Variants in TLR2 observed in about 807,000 individuals in gnomAD.
The protein encoded by TLR2 is toll-like receptor 2.
TLR2 carries 7 observed loss-of-function variants against 9.1 expected under a neutral mutation model. The observed-to-expected ratio is 0.77, with a 90% CI of 0.44 to 1.44. The LOEUF is 1.44. Ranked by LOEUF, TLR2 falls within the 40% of genes most tolerant of loss-of-function variation. The pLI is 0.01. For missense variants in TLR2, 812 were observed against 904.6 expected, an observed-to-expected ratio of 0.90 and a Z score of 1.31; for synonymous variants, 317 against 344.6, an observed-to-expected ratio of 0.92 and a Z score of 0.89.
rs1737034359 is a variant in TLR2, at chr4:153,703,104, A to G, written c.197A>G (p.Tyr66Cys). The G allele has an allele frequency of 5.0e-6, 8 of 1,614,154 alleles. No individual in the cohort carries two copies. The highest frequency in any genetic ancestry group is 6.8e-6 in the Non-Finnish European group (8 of 1,180,018). ...SLDLSNNRIT[Y>C]ISNSDLQRCV... Reference sequence around the variant, plus strand: ...GACCTGTCCAACAACAGGATCACCTACATTAGCAACAGTGACCTACAGAGG... The same window carrying G: ...GACCTGTCCAACAACAGGATCACCTGCATTAGCAACAGTGACCTACAGAGG... Residue 66 changes from tyrosine (Y) to cysteine (C), a missense_variant, in exon 3 of 3, where the codon TAC becomes TGC. By Grantham distance (194) the Tyr-to-Cys change is radical. Transcript: ENST00000642700.
downstream of TLR2, among the ~76,000 whole-genome samples, chr4:153,707,574 A>T (rs1269156562): frequency 2.6e-5 from 4 of 152,022 alleles, no homozygotes; most frequent in Non-Finnish European, 5.9e-5. Flanking sequence ...AAACAAAACA[A>T]ACGAAAAACA....
At chr4:153,710,550 G>A (rs940329348), downstream of TLR2, 2 of 1,499,800 alleles carry the variant, frequency 1.3e-6, no homozygotes, top group Non-Finnish European at 1.8e-6. Context: ...ATTCATAAAT[G>A]TCATTTGCAA....
In TLR2 at chr4:153,704,620, T is replaced by C. The variant is rs1351517805; in HGVS notation, c.1713T>C (p.Arg571=). 6.2e-7 allele frequency: 1 copy of C among 1,613,626 alleles called. No homozygotes were observed. The highest frequency in any genetic ancestry group is 1.1e-5 in the South Asian group (1 of 91,036). The change falls in exon 3 of 3, where the codon CGT becomes CGC. Residue 571 remains arginine, a synonymous_variant. Transcript: ENST00000642700. The part of the protein sequence containing the change: ...NYLCDSPSHV[R]GQQVQDVRLS... ...TGTGTGACTCTCCATCCCATGTGCG[T>C]GGCCAGCAGGTTCAGGATGTCCGCC...
chr4:153,703,606 T>TCCC lies in TLR2; in HGVS notation c.699_700insCCC (p.Asp233_Leu234insPro). The TCCC allele has an allele frequency of 6.2e-7, 1 of 1,614,048 alleles. No individual in the cohort carries two copies. The highest frequency in any genetic ancestry group is 1.1e-5 in the South Asian group (1 of 91,052). ...AATGTTTGGAACTGCGAGATACTGA[T>TCCC]TTGGACACTTTCCATTTTTCAGAAC... On this transcript the variant is annotated inframe_insertion, in exon 3 of 3. Transcript: ENST00000642700.
At chr4:153,700,426 G>T (rs1736805872) in intron 2 of TLR2, among the ~76,000 whole-genome samples, 1 of 152,158 alleles carries the variant, frequency 6.6e-6, no homozygotes, top group South Asian at 2.1e-4. Context: ...ATAAGTTAAA[G>T]AAGACCTAAA....
At position 153,704,908 on chromosome 4, in the gene TLR2, TC is replaced by T; in HGVS notation, c.2007del (p.Phe670SerfsTer39). ...TGGTCCAGGAGCTGGAGAACTTCAATCCCCCCTTCAAGTTGTGTCTTCATAA... is the reference window on the plus strand; with the variant it reads ...TGGTCCAGGAGCTGGAGAACTTCAATCCCCCTTCAAGTTGTGTCTTCATAA... ...LMVQELENFN[P>X]PFKLCLHKRD... On this transcript the variant is annotated frameshift_variant, in exon 3 of 3. Transcript: ENST00000642700. LOFTEE classifies it high-confidence loss of function. The T allele has an allele frequency of 6.2e-7, 1 of 1,613,204 alleles. No homozygotes were observed. Among genetic ancestry groups the T allele is most frequent in the Non-Finnish European group, 8.5e-7 (1 of 1,179,978 alleles).
chr4:153,704,842 T>C lies in TLR2; in HGVS notation c.1935T>C (p.Val645=). The C allele has an allele frequency of 6.2e-7, 1 of 1,614,028 alleles. No individual in the cohort carries two copies. Among genetic ancestry groups the C allele is most frequent in the Non-Finnish European group, 8.5e-7 (1 of 1,180,004 alleles). Residue 645 remains valine, a synonymous_variant, in exon 3 of 3, where the codon GTT becomes GTC. Coordinates refer to ENST00000642700, the MANE Select transcript of TLR2 (RefSeq NM_001318789.2). ...PSRNICYDAF[V]SYSERDAYWV... is the part of the protein sequence containing the mutation. ...GGAACATCTGCTATGATGCATTTGT[T>C]TCTTACAGTGAGCGGGATGCCTACT...
chr4:153,710,317 G>T (rs1270941479), downstream of TLR2: 5 of 1,410,112 alleles, frequency 3.5e-6, no homozygotes, highest in Non-Finnish European at 4.7e-6. Flanking sequence ...AATATTAAAT[G>T]TTGGACCAAG....
intron 2 of TLR2, among the ~76,000 whole-genome samples, chr4:153,700,079 T>TGAGAGGGAGGGAGCAAGAGTG (rs1736778778): frequency 1.3e-5 from 2 of 150,966 alleles, no homozygotes; most frequent in African/African-American, 4.9e-5. Flanking sequence ...AGAGAGGGAG[T>TGAGAGGGAGGGAGCAAGAGTG]GAGAGGGAGG....
At chr4:153,698,682 A>C (rs1736675470) in intron 2 of TLR2, among the ~76,000 whole-genome samples, 2 of 152,212 alleles carry the variant, frequency 1.3e-5, no homozygotes, top group Non-Finnish European at 2.9e-5. Flanking sequence ...TAAAAACCTC[A>C]GTTGGTACAT....
At chr4:153,697,847 T>A (rs1418876892) in intron 2 of TLR2, among the ~76,000 whole-genome samples, 1 of 152,162 alleles carries the variant, frequency 6.6e-6, no homozygotes, top group African/African-American at 2.4e-5. Context: ...ATGAAATTCT[T>A]AGAAACCAGA....
At chr4:153,707,561 A>G (rs1330636604), downstream of TLR2, among the ~76,000 whole-genome samples, 2 of 152,096 alleles carry the variant, frequency 1.3e-5, no homozygotes, top group South Asian at 2.1e-4. Context: ...AAAAAACAAA[A>G]TGAAACAAAA....
chr4:153,685,974 T>A (rs4696480), intron 1 of TLR2, among the ~76,000 whole-genome samples: 68,170 of 152,038 alleles, frequency 0.45, 15,503 homozygotes, highest in East Asian at 0.58. Flanking sequence ...CTGCATCTGG[T>A]GAGGGTCATC....
At chr4:153,684,741 C>T (rs561987922) in intron 1 of TLR2, among the ~76,000 whole-genome samples, 287 of 152,186 alleles carry the variant, frequency 1.9e-3, no homozygotes, top group Middle Eastern at 6.8e-3. Context: ...TTGCAGGCCC[C>T]GGGGGGGTTG....
downstream of TLR2, chr4:153,710,142 T>G: frequency 2.5e-6 from 1 of 407,932 alleles, no homozygotes; most frequent in Non-Finnish European, 4.4e-6. Flanking sequence ...GACATGTGCA[T>G]GAGTTAAGAA....
At chr4:153,684,832 CGGCCCTCCCGCTTCCCTCACGGCCT>C (rs796378596) in intron 1 of TLR2, among the ~76,000 whole-genome samples, 1 of 151,626 alleles carries the variant, frequency 6.6e-6, no homozygotes. Flanking sequence ...GGCCCCGGCC[CGGCCCTCCCGCTTCCCTCACGGCCT>C]GGCCCTCCCG....
At position 153,703,696 on chromosome 4, in the gene TLR2, TGAAAG is replaced by T. The variant is rs753972656; in HGVS notation, c.790_794del (p.Glu264PhefsTer20). On this transcript the variant is annotated frameshift_variant, in exon 3 of 3. Coordinates refer to ENST00000642700, the MANE Select transcript of TLR2 (RefSeq NM_001318789.2). LOFTEE classifies it low-confidence loss of function (END_TRUNC). ...CATTTAGAAATGTGAAAATCACCGA[TGAAAG>T]TTTGTTTCAGGTTATGAAACTTTTG... 2 of 1,613,354 alleles carry T rather than the reference TGAAAG, an allele frequency of 1.2e-6. No individual in the cohort carries two copies. The highest frequency in any genetic ancestry group is 2.7e-5 in the African/African-American group (2 of 74,990).
In TLR2 at chr4:153,704,476, C is replaced by G; in HGVS notation, c.1569C>G (p.His523Gln). 5 of 1,614,120 alleles carry G rather than the reference C, an allele frequency of 3.1e-6. No homozygotes were observed. Among genetic ancestry groups the G allele is most frequent in the Non-Finnish European group, 4.2e-6 (5 of 1,180,010 alleles). The change falls in exon 3 of 3, where the codon CAC becomes CAG. Residue 523 changes from histidine to glutamine, a missense_variant. Coordinates refer to ENST00000642700, the MANE Select transcript of TLR2 (RefSeq NM_001318789.2). ...TFSKEQLDSF[H>Q]TLKTLEAGGN... ...CTAAGGAGCAACTTGACTCATTTCA[C>G]ACACTGAAGACTTTGGAAGCTGGTG...
chr4:153,703,484 A>C lies in TLR2; in HGVS notation c.577A>C (p.Ser193Arg). 1 of 1,613,772 alleles carries C rather than the reference A, an allele frequency of 6.2e-7. No individual in the cohort carries two copies. The highest frequency in any genetic ancestry group is 8.5e-7 in the Non-Finnish European group (1 of 1,179,868). ...ASDLQSYEPK[S>R]LKSIQNVSHL... The stretch of plus-strand genomic sequence containing the variant: ...AGATCTACAGAGCTATGAGCCAAAA[A>C]GTTTGAAGTCAATTCAGAATGTAAG... The change falls in exon 3 of 3, where the codon AGT (serine) becomes CGT (arginine). Residue 193 changes from serine (S) to arginine (R), a missense_variant. Ser to Arg is a moderately radical substitution (Grantham distance 110). Transcript: ENST00000642700.
Sources: gnomAD v4.1 joint callset for allele counts (sites outside exome capture counted in the v4.1 genomes callset) on GRCh38, gnomAD v4.1.1 for gene constraint, MANE v1.5 for transcripts, NCBI Gene and HGNC (gene_info 2026-07-23, HGNC 2026-07-21) for gene names.